UNC13C: variants seen among roughly 807,000 people sequenced by gnomAD.
UNC13C encodes the protein protein unc-13 homolog C.
In UNC13C, 174 loss-of-function variants were observed where a neutral mutation model predicts 245.4. That is an observed-to-expected ratio of 0.71 (90% CI 0.63 to 0.80). The LOEUF is 0.80. UNC13C is among the 30% of genes least tolerant of loss of function. UNC13C has a pLI of 0.00. For missense variants in UNC13C, 2,829 were observed against 2,602.9 expected, an observed-to-expected ratio of 1.09 and a Z score of -1.89; for synonymous variants, 992 against 895.1, an observed-to-expected ratio of 1.11 and a Z score of -1.93.
chr15:54,315,298 C>G (rs2037980157), intron 13 of UNC13C, among the ~76,000 whole-genome samples: 1 of 151,664 alleles, frequency 6.6e-6, no homozygotes, highest in Non-Finnish European at 1.5e-5. Context: ...TCCTGTCACT[C>G]TATTAACATT....
intron 30 of UNC13C, among the ~76,000 whole-genome samples, chr15:54,572,794 TTAAG>T (rs1897816481): frequency 6.6e-6 from 1 of 152,214 alleles, no homozygotes; most frequent in Non-Finnish European, 1.5e-5. Context: ...GAATCATTAT[TTAAG>T]TGTTATTTAA....
the UNC13C span, among the ~76,000 whole-genome samples, chr15:53,842,291 T>C: frequency 6.6e-6 from 1 of 152,150 alleles, no homozygotes; most frequent in East Asian, 1.9e-4. Flanking sequence ...ATAATTTATG[T>C]TGTTGAAAAG....
At chr15:54,501,125 C>A in intron 22 of UNC13C, 147 bp downstream of exon 22, 1 of 751,352 alleles carries the variant, frequency 1.3e-6, no homozygotes, top group East Asian at 2.7e-5. Context: ...TCCAGGATTC[C>A]CATCTGATTT....
At chr15:53,984,556 T>C (rs925859257) in intron 1 of UNC13C, among the ~76,000 whole-genome samples, 3 of 152,140 alleles carry the variant, frequency 2.0e-5, no homozygotes, top group Non-Finnish European at 4.4e-5. Flanking sequence ...AATGACACTA[T>C]AAAGACCATT....
At chr15:54,210,621 C>T (rs2034850761) in intron 4 of UNC13C, among the ~76,000 whole-genome samples, 1 of 152,034 alleles carries the variant, frequency 6.6e-6, no homozygotes, top group Admixed American at 6.6e-5. Context: ...CAAGAATAAA[C>T]TTATTTTATG....
intron 4 of UNC13C, among the ~76,000 whole-genome samples, chr15:54,220,249 T>C (rs908852370): frequency 2.0e-5 from 3 of 150,264 alleles, no homozygotes; most frequent in Non-Finnish European, 4.4e-5. Flanking sequence ...ATATACACCA[T>C]GGAATACTAT....
chr15:54,037,043 G>A (rs1376448106), intron 2 of UNC13C, among the ~76,000 whole-genome samples: 1 of 152,208 alleles, frequency 6.6e-6, no homozygotes, highest in Admixed American at 6.5e-5. Context: ...TATGATTTGG[G>A]CTACTGAAAG....
At chr15:54,377,617 A>T (rs2039634086) in intron 17 of UNC13C, among the ~76,000 whole-genome samples, 1 of 152,232 alleles carries the variant, frequency 6.6e-6, no homozygotes, top group Non-Finnish European at 1.5e-5. Flanking sequence ...TATTTCTCAC[A>T]GTTCTGAGGC....
Position 54,220,039 on chromosome 15 carries a change from G to A in UNC13C, c.3072-14991G>A, listed in dbSNP as rs918998501. Among the ~76,000 whole-genome samples the A allele has an allele frequency of 4.7e-4, 66 of 140,454 alleles. 2 individuals are homozygous for A. Among genetic ancestry groups the A allele is most frequent in the African/African-American group, 1.8e-3 (59 of 33,050 alleles). The allele number at this position is 140,454 out of a possible 152,430, so 92.1% of individuals were successfully genotyped here. ...CAACCATTGTGGAAGTCAGTGTGGCGATTCCTCAGGGATCTAGAACTACAA... is the reference window on the plus strand; with the variant it reads ...CAACCATTGTGGAAGTCAGTGTGGCAATTCCTCAGGGATCTAGAACTACAA... On this transcript the variant is annotated intron_variant, in intron 4 of 32. Coordinates refer to ENST00000260323, the MANE Select transcript of UNC13C (RefSeq NM_001080534.3).
intron 2 of UNC13C, among the ~76,000 whole-genome samples, chr15:54,061,123 TA>T (rs10589323): frequency 0.15 from 22,589 of 150,954 alleles, 1,909 homozygotes; most frequent in East Asian, 0.33. Context: ...ATAATAATAA[TA>T]AAAAAAAAAG....
chr15:54,560,760 A>AAG (rs1048757745), intron 29 of UNC13C, among the ~76,000 whole-genome samples: 3 of 151,310 alleles, frequency 2.0e-5, no homozygotes, highest in African/African-American at 4.8e-5. Flanking sequence ...GGAGGTGATT[A>AAG]AGAGAGAGAG....
At chr15:53,880,354 C>A in the UNC13C span, among the ~76,000 whole-genome samples, 3 of 152,136 alleles carry the variant, frequency 2.0e-5, no homozygotes, top group Non-Finnish European at 2.9e-5. Context: ...CTGTAATGAC[C>A]GATTACTTCA....
intron 10 of UNC13C, among the ~76,000 whole-genome samples, chr15:54,292,350 A>T (rs1425115247): frequency 6.6e-6 from 1 of 151,918 alleles, no homozygotes; most frequent in East Asian, 1.9e-4. Context: ...GGGTATCTAA[A>T]TCTCTAGCCT....
chr15:54,514,624 T>G (rs536697827), intron 24 of UNC13C, among the ~76,000 whole-genome samples: 3 of 152,360 alleles, frequency 2.0e-5, no homozygotes, highest in Admixed American at 6.5e-5. Flanking sequence ...AAGTGCTGGC[T>G]GCTTACAGGC....
chr15:53,919,159 T>G, the UNC13C span, among the ~76,000 whole-genome samples: 214 of 152,358 alleles, frequency 1.4e-3, no homozygotes, highest in Non-Finnish European at 2.5e-3. Flanking sequence ...GTCTAGTTTC[T>G]GACTTAGAAC....
the UNC13C span, among the ~76,000 whole-genome samples, chr15:53,962,074 T>C: frequency 6.6e-6 from 1 of 152,224 alleles, no homozygotes; most frequent in Non-Finnish European, 1.5e-5. Flanking sequence ...TAGCATGAAA[T>C]TTGAGGCTTG....
intron 28 of UNC13C, among the ~76,000 whole-genome samples, chr15:54,552,621 T>TA (rs1896840022): frequency 1.2e-5 from 1 of 80,812 alleles, no homozygotes; most frequent in African/African-American, 6.2e-5. Flanking sequence ...TATAATTATA[T>TA]TATATATTGT....
chr15:54,283,710 ATGTGTGTGTGTGTGTGTG>A (rs56013029), intron 10 of UNC13C, among the ~76,000 whole-genome samples: 2 of 149,584 alleles, frequency 1.3e-5, no homozygotes, highest in Admixed American at 1.3e-4. Flanking sequence ...GTATATATAT[ATGTGTGTGTGTGTGTGTG>A]TGTGTGTGTG....
At chr15:54,160,753 T>C (rs1294049937) in intron 4 of UNC13C, among the ~76,000 whole-genome samples, 2 of 152,092 alleles carry the variant, frequency 1.3e-5, no homozygotes, top group Admixed American at 1.3e-4. Context: ...ATGTGAACAT[T>C]TAACACAATT....
Sources: gnomAD v4.1 joint callset for allele counts (sites outside exome capture counted in the v4.1 genomes callset) on GRCh38, gnomAD v4.1.1 for gene constraint, MANE v1.5 for transcripts, NCBI Gene and HGNC (gene_info 2026-07-23, HGNC 2026-07-21) for gene names.